DOCK1: variants seen among roughly 807,000 people sequenced by gnomAD.
DOCK1 encodes dedicator of cytokinesis 1, also known as dedicator of cytokinesis protein 1.
A neutral mutation model predicts 262.7 loss-of-function variants in DOCK1; 138 were observed. That is an observed-to-expected ratio of 0.53 (90% CI 0.46 to 0.61). The LOEUF (loss-of-function observed/expected upper bound fraction) is 0.61, where lower values mean the gene tolerates loss of function less well. Among genes scored for constraint, DOCK1 ranks in the 20% least tolerant of loss-of-function variants. DOCK1 has a pLI of 0.00. For missense variants in DOCK1, 1,908 were observed against 2,370.7 expected (o/e 0.80, Z 4.05); for synonymous variants, 866 against 867.4 (o/e 1.00, Z 0.03).
intron 29 of DOCK1, among the ~76,000 whole-genome samples, chr10:127,284,323 C>T (rs1171670016): frequency 1.3e-5 from 2 of 151,976 alleles, no homozygotes; most frequent in Non-Finnish European, 2.9e-5. Flanking sequence ...TAATTTATAT[C>T]TTTCCATCTT....
Position 126,905,478 on chromosome 10 carries a change from C to A in DOCK1, c.-40C>A, listed in dbSNP as rs763926289. On this transcript the variant is annotated 5_prime_UTR_variant, in exon 1 of 52. Coordinates refer to ENST00000623213, the MANE Select transcript of DOCK1 (RefSeq NM_001290223.2). ...GGAATGGAAAATGGCGGCCTAGACG[C>A]GGAGTTTCCTGCCCGACCCGCGGCG... 7.7e-6 allele frequency: 4 copies of A among 518,750 alleles called. No homozygotes were observed. The highest frequency in any genetic ancestry group is 2.2e-5 in the South Asian group (1 of 45,154). 32.1% of individuals were successfully genotyped at this position (518,750 alleles called of 1,614,324 possible). A position where few individuals can be genotyped will look rare whatever the true frequency, so the allele number is the denominator to read the frequency against.
At chr10:126,958,862 G>A (rs1048677576) in intron 1 of DOCK1, among the ~76,000 whole-genome samples, 2 of 152,174 alleles carry the variant, frequency 1.3e-5, no homozygotes, top group African/African-American at 4.8e-5. Context: ...GATTTATTCT[G>A]AGCCAAATAT....
At chr10:126,926,776 C>T (rs1336365781) in intron 1 of DOCK1, among the ~76,000 whole-genome samples, 2 of 152,228 alleles carry the variant, frequency 1.3e-5, no homozygotes, top group Non-Finnish European at 2.9e-5. Flanking sequence ...GAGTGTCCAG[C>T]AGCCCGTAGG....
intron 37 of DOCK1, among the ~76,000 whole-genome samples, chr10:127,382,962 G>A (rs1428513496): frequency 2.0e-5 from 3 of 152,032 alleles, no homozygotes; most frequent in African/African-American, 7.2e-5. Flanking sequence ...AGTTTAATGG[G>A]GAATGCTACA....
chr10:127,114,403 C>T (rs1243304076), intron 25 of DOCK1, among the ~76,000 whole-genome samples: 1 of 152,020 alleles, frequency 6.6e-6, no homozygotes, highest in African/African-American at 2.4e-5. Context: ...CTTGTCTTAG[C>T]ATTGAATGAA....
At chr10:127,032,469 A>G (rs976853674) in intron 18 of DOCK1, 149 bp downstream of exon 18, 12 of 810,478 alleles carry the variant, frequency 1.5e-5, no homozygotes, top group African/African-American at 1.1e-4. Context: ...TGATTTATCA[A>G]TGCATAGAAG....
Position 127,248,061 on chromosome 10 carries a change from T to G in DOCK1, c.2901T>G (p.His967Gln). ...TAILRQMEDY[H>Q]YAHLIKTFGK... ...TTTTACGACAAATGGAAGATTACCA[T>G]TATGCCCACTTGATCAAGACTTTTG... Residue 967 changes from histidine to glutamine, a missense_variant, in exon 28 of 52, where the codon CAT (histidine) becomes CAG (glutamine). This residue lies in a region of DOCK1 where 518 missense variants were observed against 575.1 expected (regional missense o/e 0.90). Coordinates refer to ENST00000623213, the MANE Select transcript of DOCK1 (RefSeq NM_001290223.2). The G allele has an allele frequency of 6.2e-7, 1 of 1,614,016 alleles. No individual in the cohort carries two copies. The highest frequency in any genetic ancestry group is 1.1e-5 in the South Asian group (1 of 91,076).
At chr10:127,417,410 G>T (rs2068224912) in intron 44 of DOCK1, among the ~76,000 whole-genome samples, 1 of 152,088 alleles carries the variant, frequency 6.6e-6, no homozygotes, top group Admixed American at 6.6e-5. Flanking sequence ...AGAGGGTGGA[G>T]GTCCCTGAGA....
At chr10:127,156,152 A>G (rs1278100527) in intron 27 of DOCK1, among the ~76,000 whole-genome samples, 3 of 152,176 alleles carry the variant, frequency 2.0e-5, no homozygotes, top group Non-Finnish European at 2.9e-5. Context: ...GGAAATGTCT[A>G]TCAAGCCTCA....
chr10:126,981,828 C>T (rs1204756823), intron 3 of DOCK1, 90 bp from the exon 4 acceptor site: 12 of 1,360,880 alleles, frequency 8.8e-6, no homozygotes, highest in Non-Finnish European at 1.2e-5. Flanking sequence ...CTAGCCACCC[C>T]TCACCCCACC....
intron 23 of DOCK1, among the ~76,000 whole-genome samples, chr10:127,082,323 C>T (rs1198344951): frequency 6.6e-6 from 1 of 152,036 alleles, no homozygotes; most frequent in Non-Finnish European, 1.5e-5. Context: ...TCTCACGCTG[C>T]CAATAAAGAC....
chr10:127,027,495 A>G (rs2042949237), intron 16 of DOCK1, among the ~76,000 whole-genome samples: 1 of 152,200 alleles, frequency 6.6e-6, no homozygotes, highest in African/African-American at 2.4e-5. Context: ...CTGAGGCAGG[A>G]GGATTGCTTG....
intron 25 of DOCK1, among the ~76,000 whole-genome samples, chr10:127,118,489 T>C (rs2049327229): frequency 6.6e-6 from 1 of 152,218 alleles, no homozygotes; most frequent in African/African-American, 2.4e-5. Context: ...GCTCCCCCAC[T>C]GCCTTCCTTT....
At chr10:127,404,280 G>A (rs1463212511) in intron 39 of DOCK1, 45 bp from the exon 40 acceptor site, 2 of 1,540,436 alleles carry the variant, frequency 1.3e-6, no homozygotes, top group Middle Eastern at 1.7e-4. Context: ...AGGCACACAT[G>A]CTTGAATACT....
At chr10:127,159,180 G>A (rs2053363357) in intron 27 of DOCK1, among the ~76,000 whole-genome samples, 1 of 152,180 alleles carries the variant, frequency 6.6e-6, no homozygotes, top group African/African-American at 2.4e-5. Flanking sequence ...TGGTTTTTGT[G>A]GAGTCCAGTT....
intron 32 of DOCK1, among the ~76,000 whole-genome samples, chr10:127,357,642 C>A (rs2064209473): frequency 6.6e-6 from 1 of 152,160 alleles, no homozygotes; most frequent in Non-Finnish European, 1.5e-5. Context: ...AGCTTTTTAG[C>A]CAGGAACACT....
chr10:127,214,575 G>A (rs1427958678), intron 27 of DOCK1, among the ~76,000 whole-genome samples: 1 of 152,190 alleles, frequency 6.6e-6, no homozygotes, highest in Non-Finnish European at 1.5e-5. Flanking sequence ...GGCAGCAAGC[G>A]TAACCCCTCT....
At chr10:127,013,863 G>C (rs1236060888) in intron 12 of DOCK1, 1 of 152,326 alleles carries the variant, frequency 6.6e-6, no homozygotes, top group African/African-American at 2.4e-5. Flanking sequence ...ATTCAGGTCA[G>C]AGGTGAGTGA....
At chr10:127,388,384 C>T (rs1346045982) in intron 38 of DOCK1, among the ~76,000 whole-genome samples, 2 of 152,146 alleles carry the variant, frequency 1.3e-5, no homozygotes, top group Non-Finnish European at 2.9e-5. Context: ...CCTTATCCCT[C>T]TAAAACTAAA....
Sources: gnomAD v4.1 joint callset for allele counts (sites outside exome capture counted in the v4.1 genomes callset) on GRCh38, gnomAD v4.1.1 for gene constraint, gnomAD v4.1.1 regional missense constraint, MANE v1.5 for transcripts, NCBI Gene and HGNC (gene_info 2026-07-23, HGNC 2026-07-21) for gene names.